Variants in SMAD9 observed in about 807,000 individuals in gnomAD.
The protein encoded by SMAD9 is MAD homolog 9.
A neutral mutation model predicts 46.1 loss-of-function variants in SMAD9; 36 were observed. That is an observed-to-expected ratio of 0.78 (90% confidence interval 0.60 to 1.03). SMAD9 has a LOEUF of 1.03. Ranked by LOEUF, SMAD9 falls within the 50% of genes least tolerant of loss-of-function variation. The pLI is 0.00. For missense variants in SMAD9, 572 were observed against 599.8 expected, an observed-to-expected ratio of 0.95 and a Z score of 0.48; for synonymous variants, 245 against 237.1, an observed-to-expected ratio of 1.03 and a Z score of -0.31.
At chr13:36,897,985 T>C (rs916841032) in intron 1 of SMAD9, among the ~76,000 whole-genome samples, 6 of 151,210 alleles carry the variant, frequency 4.0e-5, no homozygotes, top group East Asian at 2.0e-4. Context: ...GCCTCCCGAG[T>C]AGCTAGGACT....
chr13:36,852,995 A>G (rs1265353206), intron 6 of SMAD9, among the ~76,000 whole-genome samples: 2 of 152,226 alleles, frequency 1.3e-5, no homozygotes, highest in African/African-American at 4.8e-5. Flanking sequence ...ATTCAAAAAA[A>G]TTGGTTTTGG....
intron 1 of SMAD9, among the ~76,000 whole-genome samples, chr13:36,880,361 C>A (rs2058392313): frequency 6.6e-6 from 1 of 152,210 alleles, no homozygotes; most frequent in African/African-American, 2.4e-5. Context: ...AGTGTAAACT[C>A]CTCTGCCTGG....
chr13:36,902,547 G>A (rs572360359), intron 1 of SMAD9, among the ~76,000 whole-genome samples: 5 of 151,562 alleles, frequency 3.3e-5, no homozygotes, highest in Non-Finnish European at 7.4e-5. Context: ...TCTGCCTCCC[G>A]GGTTCAAGCG....
chr13:36,899,623 G>C (rs1024972402), intron 1 of SMAD9, among the ~76,000 whole-genome samples: 8 of 152,156 alleles, frequency 5.3e-5, no homozygotes, highest in African/African-American at 1.9e-4. Flanking sequence ...GAGGTAGTGA[G>C]CTGGATAGAG....
intron 4 of SMAD9, 87 bp downstream of exon 4, chr13:36,867,186 G>A (rs2058243215): frequency 1.1e-6 from 1 of 879,740 alleles, no homozygotes; most frequent in East Asian, 2.6e-5. Context: ...GTACATTTCT[G>A]GTTTTCTTTT....
At chr13:36,917,084 G>A (rs1015738770) in intron 1 of SMAD9, among the ~76,000 whole-genome samples, 3 of 152,116 alleles carry the variant, frequency 2.0e-5, no homozygotes, top group Admixed American at 6.6e-5. Context: ...AAGTGCGGCC[G>A]AGGTGTCCGT....
rs961798848 is a variant in SMAD9 at position 36,848,191 on chromosome 13, GT to G, written c.*484del. 29 of 156,418 alleles carry G rather than the reference GT, an allele frequency of 1.9e-4. No individual in the cohort carries two copies. The highest frequency in any genetic ancestry group is 1.4e-3 in the East Asian group (8 of 5,532). 9.7% of individuals were successfully genotyped at this position (156,418 alleles called of 1,614,324 possible). ...CATTAATTCATTGTACAAGTTTGTT[GT>G]TTTTTTTTTCTTGCCAACAGCACTA... On this transcript the variant is annotated 3_prime_UTR_variant, in exon 7 of 7. Transcript: ENST00000379826.
chr13:36,865,453 G>A (rs531051281), intron 5 of SMAD9, 84 bp downstream of exon 5: 1,260 of 1,117,072 alleles, frequency 1.1e-3, no homozygotes, highest in Non-Finnish European at 1.4e-3. Flanking sequence ...TGACCAACAT[G>A]TGAGGGTGGT....
intron 3 of SMAD9, among the ~76,000 whole-genome samples, chr13:36,870,344 A>G (rs1287072452): frequency 6.6e-6 from 1 of 151,958 alleles, no homozygotes; most frequent in Non-Finnish European, 1.5e-5. Context: ...TTTCTGTTGT[A>G]TTTCTTCTTT....
chr13:36,909,536 T>C (rs574927906), intron 1 of SMAD9, among the ~76,000 whole-genome samples: 1 of 152,200 alleles, frequency 6.6e-6, no homozygotes, highest in East Asian at 1.9e-4. Flanking sequence ...TTGGAAACAC[T>C]GTATGCCACC....
chr13:36,857,938 T>C lies in SMAD9; in HGVS notation c.1004-4263A>G, dbSNP rs144991388. On this transcript the variant is annotated intron_variant, in intron 5 of 6. Coordinates refer to ENST00000379826, the MANE Select transcript of SMAD9 (RefSeq NM_001127217.3). ...TTCTGCACAGCTATTTTAGAAGCTT[T>C]AAGAAAATATATATATTTCTGAGTG... Among the ~76,000 whole-genome samples the C allele has an allele frequency of 1.5e-3, 235 of 152,294 alleles. 1 individual carries two copies. Among genetic ancestry groups the C allele is most frequent in the African/African-American group, 5.2e-3 (215 of 41,544 alleles).
At chr13:36,866,591 CAG>C (rs2138389244) in intron 4 of SMAD9, among the ~76,000 whole-genome samples, 1 of 152,208 alleles carries the variant, frequency 6.6e-6, no homozygotes, top group Admixed American at 6.5e-5. Flanking sequence ...ATTTATGAAA[CAG>C]ATAAATTTGG....
At chr13:36,891,231 C>A (rs919920084) in intron 1 of SMAD9, among the ~76,000 whole-genome samples, 1 of 151,220 alleles carries the variant, frequency 6.6e-6, no homozygotes, top group Non-Finnish European at 1.5e-5. Context: ...AACCTCCTTG[C>A]GGAAGCTATC....
At position 36,900,789 on chromosome 13, in the gene SMAD9, A is replaced by G. The variant is rs182338947; in HGVS notation, c.-187+19327T>C. ...TTAAAGTGAAATGCACGTAACATAA[A>G]ATCACCCATTTTAAAATGAACAATT... On this transcript the variant is annotated intron_variant, in intron 1 of 6. Transcript: ENST00000379826. 2.0e-3 allele frequency among the ~76,000 whole-genome samples: 308 copies of G among 152,274 alleles called. 2 individuals are homozygous for G. Among genetic ancestry groups the G allele is most frequent in the African/African-American group, 6.7e-3 (279 of 41,544 alleles).
chr13:36,896,387 C>T (rs1302317443), intron 1 of SMAD9, among the ~76,000 whole-genome samples: 1 of 152,180 alleles, frequency 6.6e-6, no homozygotes, highest in African/African-American at 2.4e-5. Context: ...CCCACCTCAG[C>T]CTCCCAAAGT....
intron 2 of SMAD9, among the ~76,000 whole-genome samples, chr13:36,875,699 T>C (rs2058340065): frequency 1.3e-5 from 2 of 152,246 alleles, no homozygotes; most frequent in South Asian, 4.1e-4. Context: ...CTCACTTCTT[T>C]ATGAAGAAGA....
At chr13:36,902,556 C>T (rs1055179363) in intron 1 of SMAD9, among the ~76,000 whole-genome samples, 6 of 151,726 alleles carry the variant, frequency 4.0e-5, no homozygotes, top group East Asian at 1.9e-4. Flanking sequence ...CGGGTTCAAG[C>T]GATTCTCCTG....
intron 1 of SMAD9, among the ~76,000 whole-genome samples, chr13:36,897,808 C>A (rs1240299574): frequency 6.9e-6 from 1 of 144,274 alleles, no homozygotes; most frequent in Admixed American, 6.9e-5. Context: ...ACCCAAAGTT[C>A]ATTAGTGGAA....
chr13:36,910,169 C>G (rs1475821375), intron 1 of SMAD9, among the ~76,000 whole-genome samples: 1 of 150,028 alleles, frequency 6.7e-6, no homozygotes, highest in African/African-American at 2.5e-5. Flanking sequence ...TGTACTCCGG[C>G]GTGGGGGACA....
Sources: allele counts gnomAD v4.1 joint callset (sites outside exome capture counted in the v4.1 genomes callset), GRCh38; gene constraint gnomAD v4.1.1; transcripts MANE v1.5; gene names NCBI Gene and HGNC (gene_info 2026-07-23, HGNC 2026-07-21).